Variants in FRY observed in about 807,000 individuals in gnomAD.
FRY encodes FRY microtubule binding protein, also known as protein furry homolog.
FRY carries 128 observed loss-of-function variants against 348.4 expected under a neutral mutation model. That is an observed-to-expected ratio of 0.37 (90% CI 0.32 to 0.43). The LOEUF (loss-of-function observed/expected upper bound fraction) is 0.43, where lower values mean the gene tolerates loss of function less well. FRY is among the 20% of genes least tolerant of loss of function. The pLI, the probability that FRY is intolerant of heterozygous loss-of-function variation, is 1.00. For missense variants in FRY, 2,736 were observed against 3,695.2 expected (o/e 0.74, Z 6.73); for synonymous variants, 1,370 against 1,374.7 (o/e 1.00, Z 0.08).
intron 1 of FRY, among the ~76,000 whole-genome samples, chr13:32,058,794 A>G (rs1310903728): frequency 6.6e-6 from 1 of 152,210 alleles, no homozygotes; most frequent in Non-Finnish European, 1.5e-5. Flanking sequence ...AAAAATATGT[A>G]TACATTATTT....
intron 3 of FRY, among the ~76,000 whole-genome samples, chr13:32,104,696 A>T (rs2138644036): frequency 6.6e-6 from 1 of 152,240 alleles, no homozygotes; most frequent in Non-Finnish European, 1.5e-5. Context: ...CTCTCCTCGA[A>T]TTGTAGCTCC....
At chr13:32,152,925 C>G (rs1880887308) in intron 14 of FRY, among the ~76,000 whole-genome samples, 1 of 151,934 alleles carries the variant, frequency 6.6e-6, no homozygotes, top group Non-Finnish European at 1.5e-5. Flanking sequence ...GAAAATAACC[C>G]AATTTTTTAA....
At chr13:32,172,622 G>A (rs1566110480) in intron 18 of FRY, among the ~76,000 whole-genome samples, 2 of 152,172 alleles carry the variant, frequency 1.3e-5, no homozygotes, top group Non-Finnish European at 2.9e-5. Flanking sequence ...AAAGGGGTCT[G>A]GCTGGAGAAG....
At chr13:32,087,583 T>G (rs1875968191) in intron 2 of FRY, among the ~76,000 whole-genome samples, 1 of 152,228 alleles carries the variant, frequency 6.6e-6, no homozygotes, top group South Asian at 2.1e-4. Context: ...TCATCCCAGC[T>G]TCCTCTTGTG....
chr13:32,265,697 C>A, intron 54 of FRY, 81 bp downstream of exon 54: 1 of 1,339,452 alleles, frequency 7.5e-7, no homozygotes, highest in Non-Finnish European at 1.1e-6. Context: ...TTAAGTGTCA[C>A]AGTTGCACTG....
intron 47 of FRY, among the ~76,000 whole-genome samples, chr13:32,246,534 T>C (rs1886811437): frequency 6.6e-6 from 1 of 152,172 alleles, no homozygotes. Flanking sequence ...CTGGGGGAGA[T>C]GACCCTTGCA....
intron 1 of FRY, among the ~76,000 whole-genome samples, chr13:32,066,653 T>C (rs1022346117): frequency 6.6e-6 from 1 of 152,184 alleles, no homozygotes; most frequent in Non-Finnish European, 1.5e-5. Context: ...CCTTCATTAG[T>C]CTTCTCATGG....
chr13:32,271,199 C>CT (rs1566184608), intron 55 of FRY, among the ~76,000 whole-genome samples: 1 of 152,188 alleles, frequency 6.6e-6, no homozygotes, highest in Non-Finnish European at 1.5e-5. Context: ...AAAAGGAGTA[C>CT]AGTGAAGTCA....
At chr13:32,078,750 C>G (rs1593588373) in intron 1 of FRY, 84 bp from the exon 2 acceptor site, 1 of 1,007,460 alleles carries the variant, frequency 9.9e-7, no homozygotes, top group South Asian at 1.3e-5. Context: ...TGATTCATAT[C>G]CTGATATTTA....
rs564223134 is a variant in FRY at position 32,217,834 on chromosome 13, T to TTTG, written c.4683-903_4683-901dup. ...ACTATACTTCAACATTTTTATTTTC[T>TTTG]TTGTTGTTGTTGTTTTGTTTTTGTT... On this transcript the variant is annotated intron_variant, in intron 35 of 60. Coordinates refer to ENST00000542859, the MANE Select transcript of FRY (RefSeq NM_023037.3). 4.4e-3 allele frequency among the ~76,000 whole-genome samples: 664 copies of TTTG among 152,342 alleles called. 2 individuals carry two copies. Among genetic ancestry groups the TTTG allele is most frequent in the Non-Finnish European group, 7.5e-3 (512 of 68,032 alleles).
At chr13:32,149,898 G>A (rs41315032) in intron 14 of FRY, 64 bp downstream of exon 14, 28,107 of 1,016,518 alleles carry the variant, frequency 0.028, 442 homozygotes, top group Non-Finnish European at 0.032. Context: ...CCTTTGCTTT[G>A]CGGCTTTGGA....
chr13:32,206,624 A>C (rs112561682), intron 31 of FRY, among the ~76,000 whole-genome samples: 8 of 152,336 alleles, frequency 5.3e-5, no homozygotes, highest in African/African-American at 1.9e-4. Flanking sequence ...AGTGGTTCAC[A>C]GTTCAGGAGA....
Position 32,202,449 on chromosome 13 carries a change from C to T in FRY, c.3940C>T (p.Leu1314Phe), listed in dbSNP as rs1884085832. The T allele has an allele frequency of 1.9e-6, 3 of 1,613,734 alleles. No individual in the cohort carries two copies. The African/African-American group carries it at 4.0e-5, about 22-fold the overall frequency. ...TGGAACACACGGCCCGCTGCCACCC[C>T]TCTACAGCGTGTCACTTGCCCTCTT... ...LYGTHGPLPP[L>F]YSVSLALLSC... The change falls in exon 31 of 61, where the codon CTC becomes TTC. Residue 1314 changes from leucine to phenylalanine, a missense_variant. By Grantham distance (22) the Leu-to-Phe change is conservative. Transcript: ENST00000542859.
intron 46 of FRY, among the ~76,000 whole-genome samples, chr13:32,243,268 T>G (rs1260733381): frequency 6.6e-6 from 1 of 152,176 alleles, no homozygotes; most frequent in Non-Finnish European, 1.5e-5. Flanking sequence ...CTGCATGACG[T>G]TTCATTATAC....
chr13:32,232,587 C>A (rs145628260), intron 41 of FRY, among the ~76,000 whole-genome samples: 1 of 152,180 alleles, frequency 6.6e-6, no homozygotes, highest in African/African-American at 2.4e-5. Flanking sequence ...TGTGCCACCC[C>A]CTAGGCTGAG....
chr13:32,089,168 A>G (rs1181594094), intron 2 of FRY, among the ~76,000 whole-genome samples: 1 of 152,214 alleles, frequency 6.6e-6, no homozygotes, highest in African/African-American at 2.4e-5. Flanking sequence ...ATAGCATTGT[A>G]GCAATTTTAA....
intron 23 of FRY, among the ~76,000 whole-genome samples, chr13:32,180,228 A>AT (rs905860366): frequency 6.7e-5 from 10 of 148,430 alleles, no homozygotes; most frequent in South Asian, 2.2e-4. Flanking sequence ...TGATCTTTCT[A>AT]TTTTTTTTTC....
intron 55 of FRY, among the ~76,000 whole-genome samples, chr13:32,274,133 A>T (rs1325817373): frequency 6.6e-6 from 1 of 152,208 alleles, no homozygotes; most frequent in South Asian, 2.1e-4. Context: ...ATGATTACTT[A>T]GTTGATTTAA....
chr13:32,174,844 G>GAATATATAATATATATAT (rs1344091229), intron 19 of FRY, among the ~76,000 whole-genome samples: 1 of 151,752 alleles, frequency 6.6e-6, no homozygotes, highest in African/African-American at 2.4e-5. Context: ...GATGGTGAAT[G>GAATATATAATATATATAT]AATATATAAT....
Sources: gnomAD v4.1 joint callset for allele counts (sites outside exome capture counted in the v4.1 genomes callset) on GRCh38, gnomAD v4.1.1 for gene constraint, MANE v1.5 for transcripts, NCBI Gene and HGNC (gene_info 2026-07-23, HGNC 2026-07-21) for gene names.